PTPRN2: variants seen among roughly 807,000 people sequenced by gnomAD.
PTPRN2 encodes receptor-type tyrosine-protein phosphatase N2.
In PTPRN2, 74 loss-of-function variants were observed where a neutral mutation model predicts 118.8. The ratio of observed to expected loss-of-function variants is 0.62; its 90% CI spans 0.52 to 0.76. The LOEUF (loss-of-function observed/expected upper bound fraction) is 0.76, where lower values mean the gene tolerates loss of function less well. Among genes scored for constraint, PTPRN2 ranks in the 30% least tolerant of loss-of-function variants. PTPRN2 has a pLI of 0.00. For missense variants in PTPRN2, 1,481 were observed against 1,394.4 expected, an observed-to-expected ratio of 1.06 and a Z score of -0.99; for synonymous variants, 641 against 608.0, an observed-to-expected ratio of 1.05 and a Z score of -0.80.
At chr7:158,569,309 T>G (rs1208419829) in intron 1 of PTPRN2, among the ~76,000 whole-genome samples, 1 of 152,140 alleles carries the variant, frequency 6.6e-6, no homozygotes, top group Non-Finnish European at 1.5e-5. Context: ...CGGCTTTGGG[T>G]TGTAAACCAG....
chr7:157,882,045 A>G (rs79575425), intron 12 of PTPRN2, among the ~76,000 whole-genome samples: 24,833 of 151,860 alleles, frequency 0.16, 2,123 homozygotes, highest in East Asian at 0.24. Context: ...ATACATCAGC[A>G]CATGCCACCC....
At chr7:158,042,130 G>A (rs6972590) in intron 11 of PTPRN2, among the ~76,000 whole-genome samples, 1 of 151,940 alleles carries the variant, frequency 6.6e-6, no homozygotes, top group Non-Finnish European at 1.5e-5. Context: ...CCTCCATCTC[G>A]TGATGCAATG....
chr7:158,133,797 C>A lies in PTPRN2; in HGVS notation c.1436G>T (p.Gly479Val). The A allele has an allele frequency of 1.2e-6, 2 of 1,613,966 alleles. No individual in the cohort carries two copies. The highest frequency in any genetic ancestry group is 2.2e-5 in the South Asian group (2 of 91,088). Residue 479 changes from glycine to valine, a missense_variant, in exon 9 of 23, where the codon GGG becomes GTG. Physicochemically the swap from Gly to Val is moderately radical, Grantham distance 109. Transcript: ENST00000389418. ...AAGGCTCTGCTCCTCCTTCGAGGGC[C>A]CAGGCATCTGGTTTTGGAGCTCCCC... ...AFGELQNQMP[G>V]PSKEEQSLPA...
At position 157,560,589 on chromosome 7, in the gene PTPRN2, C is replaced by G. The variant is rs564627347; in HGVS notation, c.2902+8313G>C. Among the ~76,000 whole-genome samples, 2 of 152,294 alleles carry G rather than the reference C, an allele frequency of 1.3e-5. No individual in the cohort carries two copies. The highest frequency in any genetic ancestry group is 3.9e-4 in the East Asian group (2 of 5,172). ...ACATCCCTCACTGTTTCTCTTGCACCAGAATAGCTCAGGGGAAGGAAAGGC... is the reference window on the plus strand; with the variant it reads ...ACATCCCTCACTGTTTCTCTTGCACGAGAATAGCTCAGGGGAAGGAAAGGC... On this transcript the variant is annotated intron_variant, in intron 21 of 22. Coordinates refer to ENST00000389418, the MANE Select transcript of PTPRN2 (RefSeq NM_002847.5). This position sits in a 1 kb window ranked among gnomAD's most constrained non-coding sequence, Gnocchi z 6.7.
intron 12 of PTPRN2, among the ~76,000 whole-genome samples, chr7:157,814,518 ACGGGGACAGG>A (rs1160757170): frequency 3.1e-5 from 4 of 128,920 alleles, no homozygotes; most frequent in Non-Finnish European, 6.4e-5. Flanking sequence ...ACGGGGCAGG[ACGGGGACAGG>A]CGGGGGCAGG....
intron 11 of PTPRN2, among the ~76,000 whole-genome samples, chr7:158,071,208 CGTG>C (rs1479612756): frequency 1.9e-4 from 6 of 31,920 alleles, no homozygotes; most frequent in Non-Finnish European, 2.8e-4. Context: ...TGGAGGTGCT[CGTG>C]GTGGTGGAGG....
At chr7:158,488,910 C>T (rs1821229803) in intron 2 of PTPRN2, among the ~76,000 whole-genome samples, 1 of 152,236 alleles carries the variant, frequency 6.6e-6, no homozygotes, top group Non-Finnish European at 1.5e-5. Context: ...GGAGTTTAAC[C>T]CTCCCCTGCG....
intron 9 of PTPRN2, among the ~76,000 whole-genome samples, chr7:158,119,234 A>C (rs981530559): frequency 2.6e-5 from 4 of 152,224 alleles, no homozygotes; most frequent in African/African-American, 9.6e-5. Context: ...ATTTTCCTCC[A>C]AAGAAAATAT....
chr7:158,131,641 A>G (rs917062172), intron 9 of PTPRN2, among the ~76,000 whole-genome samples: 8 of 151,938 alleles, frequency 5.3e-5, no homozygotes, highest in African/African-American at 1.9e-4. Flanking sequence ...ACACTCATAC[A>G]CACATGCACA....
At chr7:158,164,641 G>C (rs1410922413) in intron 6 of PTPRN2, among the ~76,000 whole-genome samples, 1 of 152,194 alleles carries the variant, frequency 6.6e-6, no homozygotes, top group Admixed American at 6.5e-5. Flanking sequence ...CCCTCCCTCT[G>C]ATGGGGGCGA....
chr7:158,389,205 T>G (rs1471112599), intron 2 of PTPRN2, among the ~76,000 whole-genome samples: 1 of 152,226 alleles, frequency 6.6e-6, no homozygotes, highest in Non-Finnish European at 1.5e-5. Flanking sequence ...CACACCACAC[T>G]TCAGTGAGTG....
chr7:158,144,353 A>G (rs2150482308), intron 6 of PTPRN2, among the ~76,000 whole-genome samples: 1 of 152,264 alleles, frequency 6.6e-6, no homozygotes, highest in African/African-American at 2.4e-5. Flanking sequence ...GAAAGCAGAC[A>G]TCAGCCGGAC....
chr7:158,394,149 T>C (rs1586560037), intron 2 of PTPRN2, among the ~76,000 whole-genome samples: 2 of 46,586 alleles, frequency 4.3e-5, no homozygotes, highest in Non-Finnish European at 8.9e-5. Context: ...CCTCAACCCC[T>C]CTGTCCCCGA....
chr7:157,584,927 A>G (rs1308410758), intron 17 of PTPRN2, among the ~76,000 whole-genome samples: 1 of 152,196 alleles, frequency 6.6e-6, no homozygotes, highest in Non-Finnish European at 1.5e-5. Flanking sequence ...TGGTTCCGAG[A>G]GAGTCACAGG....
chr7:157,601,750 G>C (rs760662664), intron 16 of PTPRN2, among the ~76,000 whole-genome samples: 1 of 152,252 alleles, frequency 6.6e-6, no homozygotes, highest in Non-Finnish European at 1.5e-5. Context: ...CCCATCGAGT[G>C]GGGGAGAGTG....
intron 13 of PTPRN2, among the ~76,000 whole-genome samples, chr7:157,667,399 C>T (rs1226718476): frequency 2.0e-5 from 3 of 151,914 alleles, no homozygotes; most frequent in South Asian, 2.1e-4. Context: ...ACACTCGGCC[C>T]GTGGGACACT....
intron 12 of PTPRN2, among the ~76,000 whole-genome samples, chr7:157,844,434 T>C (rs1808654461): frequency 6.6e-6 from 1 of 151,978 alleles, no homozygotes; most frequent in East Asian, 1.9e-4. Context: ...GAAAGAACAC[T>C]AGAGCTGAAA....
chr7:158,295,446 A>G (rs58355494), intron 3 of PTPRN2, among the ~76,000 whole-genome samples: 3 of 22,878 alleles, frequency 1.3e-4, no homozygotes, highest in East Asian at 1.1e-3. Flanking sequence ...TGGTTCACCC[A>G]CCTTTCCGAG....
chr7:157,737,851 C>A (rs76783980), intron 12 of PTPRN2, among the ~76,000 whole-genome samples: 1,700 of 152,330 alleles, frequency 0.011, 71 homozygotes, highest in South Asian at 0.11. Context: ...CAAATACCAC[C>A]CCCGATGCGG....
Sources: allele counts gnomAD v4.1 joint callset (sites outside exome capture counted in the v4.1 genomes callset), GRCh38; gene constraint gnomAD v4.1.1; non-coding constraint Gnocchi (gnomAD v3.1); transcripts MANE v1.5; gene names NCBI Gene and HGNC (gene_info 2026-07-23, HGNC 2026-07-21).